SPPL2B: variants seen among roughly 807,000 people sequenced by gnomAD.
SPPL2B encodes the protein signal peptide peptidase like 2B, also known as signal peptide peptidase-like 2B.
In SPPL2B, 39 loss-of-function variants were observed where a neutral mutation model predicts 59.7. The observed-to-expected ratio is 0.65, with a 90% CI of 0.51 to 0.85. SPPL2B has a LOEUF of 0.85. Ranked by LOEUF, SPPL2B falls within the 40% of genes least tolerant of loss-of-function variation. The pLI, the probability that SPPL2B is intolerant of heterozygous loss-of-function variation, is 0.00. For synonymous variants in SPPL2B, 419 were observed against 370.8 expected (o/e 1.13, Z -1.49); for missense variants, 865 against 849.0 (o/e 1.02, Z -0.23).
intron 1 of SPPL2B, among the ~76,000 whole-genome samples, chr19:2,329,649 A>T (rs1468033120): frequency 6.6e-6 from 1 of 152,076 alleles, no homozygotes; most frequent in East Asian, 1.9e-4. Context: ...CGTCGCCGCC[A>T]CCTGGCTCCT....
At position 2,353,084 on chromosome 19, in the gene SPPL2B, A is replaced by G. The variant is rs941779568; in HGVS notation, c.1654A>G (p.Lys552Glu). 4 of 1,611,554 alleles carry G rather than the reference A, an allele frequency of 2.5e-6. No individual in the cohort carries two copies. The East Asian group carries it at 8.9e-5, about 36-fold the overall frequency. Residue 552 changes from lysine to glutamate, a missense_variant, in exon 15 of 15, where the codon AAA becomes GAA. Physicochemically the swap from Lys to Glu is moderately conservative, Grantham distance 56 (BLOSUM62 1). Transcript: ENST00000613503. ...CCCCTGGCCTGCTGAGCAGTCCCCA[A>G]AATCACGCACGTCCGAGGAGATGGG... ...TSPWPAEQSP[K>E]SRTSEEMGAG...
intron 12 of SPPL2B, 89 bp downstream of exon 12, chr19:2,344,741 C>A: frequency 1.2e-6 from 1 of 822,464 alleles, no homozygotes; most frequent in Non-Finnish European, 2.0e-6. Flanking sequence ...GTGGCCCGCA[C>A]ACCGTCGGCT....
intron 8 of SPPL2B, chr19:2,342,714 C>T (rs1017596111): frequency 6.0e-6 from 1 of 167,258 alleles, no homozygotes; most frequent in African/African-American, 2.4e-5. Flanking sequence ...CACGCACCCT[C>T]TGCCTGGCCC....
Position 2,332,190 on chromosome 19 carries a change from C to G in SPPL2B, c.67-2412C>G, listed in dbSNP as rs1317982538. ...CAGCATTAGCCAAGAGCTATGAGAC[C>G]CCCAGTCGATTGTGGGGACCGGGGC... On this transcript the variant is annotated intron_variant, in intron 1 of 14. Coordinates refer to ENST00000613503, the MANE Select transcript of SPPL2B (RefSeq NM_152988.3). The surrounding 1 kb of genome is among the most constrained non-coding windows in gnomAD (Gnocchi z 4.6). Among the ~76,000 whole-genome samples the G allele has an allele frequency of 6.6e-6, 1 of 152,198 alleles. No homozygotes were observed. The highest frequency in any genetic ancestry group is 6.5e-5 in the Admixed American group (1 of 15,288).
At position 2,337,204 on chromosome 19, in the gene SPPL2B, G is replaced by C. The variant is rs528509349; in HGVS notation, c.187-239G>C. ...TCGCGGGGTGGCTCAGGTATCAGGG[G>C]ACAGCCATGTCTGTGAGGACTCCGG... is the stretch of plus-strand genomic sequence containing the variant. On this transcript the variant is annotated intron_variant, in intron 2 of 14. Coordinates refer to ENST00000613503, the MANE Select transcript of SPPL2B (RefSeq NM_152988.3). 496 of 432,478 alleles carry C rather than the reference G, an allele frequency of 1.1e-3. 2 individuals carry two copies. Among genetic ancestry groups the C allele is most frequent in the African/African-American group, 9.5e-3 (468 of 49,066 alleles). 26.8% of individuals were successfully genotyped at this position (432,478 alleles called of 1,614,324 possible). A position where few individuals can be genotyped will look rare whatever the true frequency, so the allele number is the denominator to read the frequency against.
intron 8 of SPPL2B, chr19:2,341,377 A>G: frequency 4.1e-6 from 2 of 485,308 alleles, no homozygotes. Flanking sequence ...CGCAGGTTCG[A>G]GGCCCAGGGT....
intron 7 of SPPL2B, chr19:2,340,629 G>A: frequency 1.8e-6 from 1 of 560,930 alleles, no homozygotes; most frequent in Non-Finnish European, 3.2e-6. Flanking sequence ...GGGAGGTCTG[G>A]AGCAGGCAGG....
chr19:2,353,030 C>T lies in SPPL2B; in HGVS notation c.1600C>T (p.Gln534Ter), dbSNP rs761386860. 26 of 1,612,128 alleles carry T rather than the reference C, an allele frequency of 1.6e-5. 1 individual carries two copies. In the South Asian group the frequency reaches 2.5e-4, roughly 16 times the overall value. ...PKDSATPLSP[Q>*]PPSEEPATSP... ...AGACTCTGCCACGCCACTCTCCCCG[C>T]AGCCGCCCAGCGAAGAACCAGCCAC... The change falls in exon 15 of 15, where the codon CAG becomes TAG. Residue 534 changes from glutamine (Q) to a stop codon, truncating the protein, a stop_gained. Transcript: ENST00000613503. LOFTEE classifies it low-confidence loss of function (END_TRUNC).
chr19:2,351,697 C>T (rs1969933833), intron 14 of SPPL2B, 103 bp downstream of exon 14: 10 of 1,466,318 alleles, frequency 6.8e-6, no homozygotes, highest in South Asian at 5.2e-5. Context: ...CCTGCGGCCG[C>T]GACGGGGCTC....
chr19:2,339,764 C>G, intron 5 of SPPL2B, 60 bp from the exon 6 acceptor site: 1 of 1,565,606 alleles, frequency 6.4e-7, no homozygotes, highest in Non-Finnish European at 8.7e-7. Flanking sequence ...GCTGTGGGCT[C>G]CCGAGCCCCG....
chr19:2,352,461 C>T (rs888521693), intron 14 of SPPL2B, among the ~76,000 whole-genome samples: 6 of 152,164 alleles, frequency 3.9e-5, no homozygotes, highest in African/African-American at 7.2e-5. Context: ...AAACCACACC[C>T]GTCCCTGCCG....
chr19:2,340,963 T>C lies in SPPL2B; in HGVS notation c.905T>C (p.Leu302Pro). The change falls in exon 8 of 15, where the codon CTC (leucine) becomes CCC (proline). Residue 302 changes from leucine to proline, a missense_variant. Physicochemically the swap from Leu to Pro is moderately conservative, Grantham distance 98 (BLOSUM62 -3). Coordinates refer to ENST00000613503, the MANE Select transcript of SPPL2B (RefSeq NM_152988.3). ...CAGGCCCGTATGCTGCTCCTGGCGCTCTTCTGCGTGGCCGTCAGCGTGGTG... is the reference window on the plus strand; with the variant it reads ...CAGGCCCGTATGCTGCTCCTGGCGCCCTTCTGCGTGGCCGTCAGCGTGGTG... ...RPQARMLLLALFCVAVSVVWG... is the reference protein window; with the variant it reads ...RPQARMLLLAPFCVAVSVVWG... The C allele has an allele frequency of 6.2e-7, 1 of 1,604,632 alleles. No individual in the cohort carries two copies. The highest frequency in any genetic ancestry group is 8.5e-7 in the Non-Finnish European group (1 of 1,179,584).
In SPPL2B at chr19:2,349,711, C is replaced by T. The variant is rs201511374; in HGVS notation, c.1355-1723C>T. ...ATTCCGTTCTCTCTCCACACACACT[C>T]GTGTTCTCATTCGCTTGATTCCGTT... On this transcript the variant is annotated intron_variant, in intron 13 of 14. Coordinates refer to ENST00000613503, the MANE Select transcript of SPPL2B (RefSeq NM_152988.3). Among the ~76,000 whole-genome samples the T allele has an allele frequency of 8.5e-5, 12 of 140,450 alleles. No homozygotes were observed. In the East Asian group the frequency reaches 1.0e-3, roughly 12 times the overall value. 92.1% of individuals were successfully genotyped at this position (140,450 alleles called of 152,430 possible).
Position 2,337,536 on chromosome 19 carries a change from G to C in SPPL2B, c.280G>C (p.Ala94Pro). 1 of 1,613,022 alleles carries C rather than the reference G, an allele frequency of 6.2e-7. No homozygotes were observed. ...CTTCAGCAACCAGATCCCGCTGGTG[G>C]CGCGGGGGAACTGCACCTTCTATGA... ...RGFSNQIPLV[A>P]RGNCTFYEKV... The change falls in exon 3 of 15, where the codon GCG becomes CCG. Residue 94 changes from alanine to proline, a missense_variant. Ala to Pro is a conservative substitution (Grantham distance 27). Transcript: ENST00000613503.
At chr19:2,345,148 A>G in intron 12 of SPPL2B, 105 bp from the exon 13 acceptor site, 2 of 826,678 alleles carry the variant, frequency 2.4e-6, no homozygotes, top group South Asian at 1.5e-5. Context: ...AGGCAGCGAG[A>G]GGCCCACGGC....
Position 2,344,539 on chromosome 19 carries a change from TC to T in SPPL2B, c.1177-11del, listed in dbSNP as rs1304445860. The T allele has an allele frequency of 1.9e-6, 3 of 1,607,428 alleles. No individual in the cohort carries two copies. The African/African-American group carries it at 4.0e-5, about 22-fold the overall frequency. ...AGGGTCCTGGAGGACATTGTCCTCT[TC>T]CCGTCTTTGCAGCTGCCCATGGTCC... On this transcript the variant is annotated splice_polypyrimidine_tract_variant and intron_variant, in intron 11 of 14. Transcript: ENST00000613503.
intron 2 of SPPL2B, among the ~76,000 whole-genome samples, chr19:2,335,998 C>A (rs554488951): frequency 4.9e-4 from 74 of 152,266 alleles, no homozygotes; most frequent in African/African-American, 1.7e-3. Flanking sequence ...TGTGTCAACA[C>A]ATGTAATAGG....
chr19:2,346,607 C>T (rs1271586928), intron 13 of SPPL2B, among the ~76,000 whole-genome samples: 2 of 152,098 alleles, frequency 1.3e-5, no homozygotes, highest in Non-Finnish European at 2.9e-5. Flanking sequence ...TTCAAGGCTG[C>T]AGTGAGCCAT....
intron 12 of SPPL2B, 36 bp downstream of exon 12, chr19:2,344,688 T>G (rs1969269445): frequency 2.2e-6 from 3 of 1,394,996 alleles, no homozygotes; most frequent in Non-Finnish European, 3.0e-6. Context: ...GTCCACGCTG[T>G]GGGGCAGGGC....
Sources: allele counts gnomAD v4.1 joint callset (sites outside exome capture counted in the v4.1 genomes callset), GRCh38; gene constraint gnomAD v4.1.1; non-coding constraint Gnocchi (gnomAD v3.1); transcripts MANE v1.5; gene names NCBI Gene and HGNC (gene_info 2026-07-23, HGNC 2026-07-21).